Variants in THADA observed in about 807,000 individuals in gnomAD.
The protein encoded by THADA is tRNA (32-2'-O)-methyltransferase regulator THADA.
A neutral mutation model predicts 219.8 loss-of-function variants in THADA; 213 were observed. The observed-to-expected ratio is 0.97, with a 90% CI of 0.87 to 1.09. The LOEUF is 1.09. Ranked by LOEUF, THADA falls within the 50% of genes least tolerant of loss-of-function variation. The probability of loss-of-function intolerance (pLI) is 0.00; values close to 1 mark genes in which losing one functional copy is unlikely to be tolerated. For synonymous variants in THADA, 1,018 were observed against 828.9 expected, an observed-to-expected ratio of 1.23 and a Z score of -3.92; for missense variants, 2,956 against 2,311.3, an observed-to-expected ratio of 1.28 and a Z score of -5.72.
At chr2:43,510,447 T>C (rs891692308) in intron 22 of THADA, among the ~76,000 whole-genome samples, 6 of 152,170 alleles carry the variant, frequency 3.9e-5, no homozygotes, top group African/African-American at 1.2e-4. Flanking sequence ...TTTTTAAGGA[T>C]TGAGGTTACT....
chr2:43,560,324 T>C lies in THADA; in HGVS notation c.2373A>G (p.Leu791=), dbSNP rs762658745. The part of the protein sequence containing the change: ...HDIDVGRFQT[L]MECFTSTFED... ...CAAAAGTGCTGGTAAAACATTCCAT[T>C]AGTGTTTGGAAACGACCAACATCAA... The change falls in exon 16 of 38, where the codon CTA becomes CTG. Residue 791 remains leucine (L), a synonymous_variant. Coordinates refer to ENST00000405975, the MANE Select transcript of THADA (RefSeq NM_022065.5). 1.2e-6 allele frequency: 2 copies of C among 1,612,420 alleles called. No homozygotes were observed. The highest frequency in any genetic ancestry group is 2.2e-5 in the East Asian group (1 of 44,794).
chr2:43,351,774 T>C (rs1379779990), intron 29 of THADA, among the ~76,000 whole-genome samples: 2 of 152,212 alleles, frequency 1.3e-5, no homozygotes, highest in Non-Finnish European at 2.9e-5. Context: ...CTGTAAACTC[T>C]GGTCACACCA....
chr2:43,419,037 G>A (rs549495304), intron 28 of THADA, among the ~76,000 whole-genome samples: 1 of 152,274 alleles, frequency 6.6e-6, no homozygotes. Context: ...CCTAGAGCCT[G>A]GCTATAAAAC....
In THADA at chr2:43,560,382, C is replaced by G. The variant is rs761694190; in HGVS notation, c.2315G>C (p.Arg772Thr). The change falls in exon 16 of 38, where the codon AGA becomes ACA. Residue 772 changes from arginine to threonine, a missense_variant. By Grantham distance (71) the Arg-to-Thr change is moderately conservative. Coordinates refer to ENST00000405975, the MANE Select transcript of THADA (RefSeq NM_022065.5). ...IAEVFHVPEG[R>T]IYTVYQLSHD... ...ACTCAGCTGATATACTGTATAAATT[C>G]TGCCTAAAAATATTTTAAAAACAAA... is the stretch of plus-strand genomic sequence containing the variant. 7.1e-6 allele frequency: 11 copies of G among 1,538,622 alleles called. No homozygotes were observed. Among genetic ancestry groups the G allele is most frequent in the East Asian group, 2.3e-5 (1 of 43,056 alleles).
intron 28 of THADA, among the ~76,000 whole-genome samples, chr2:43,401,906 T>A (rs1482614016): frequency 6.6e-6 from 1 of 151,530 alleles, no homozygotes; most frequent in African/African-American, 2.4e-5. Context: ...TTTACACATA[T>A]TTGGAAAATT....
chr2:43,504,685 C>T (rs1689433331), intron 24 of THADA, among the ~76,000 whole-genome samples: 2 of 152,128 alleles, frequency 1.3e-5, no homozygotes, highest in Non-Finnish European at 2.9e-5. Context: ...TCGAGACCAA[C>T]CTGGCCAACA....
At chr2:43,412,149 G>T (rs964764264) in intron 28 of THADA, among the ~76,000 whole-genome samples, 1 of 152,112 alleles carries the variant, frequency 6.6e-6, no homozygotes, top group Admixed American at 6.6e-5. Flanking sequence ...AATATAAAAA[G>T]AAGAAAATTA....
intron 28 of THADA, among the ~76,000 whole-genome samples, chr2:43,422,556 G>T (rs1018267560): frequency 2.8e-4 from 42 of 152,304 alleles, no homozygotes; most frequent in African/African-American, 9.4e-4. Context: ...GGTTCACCAG[G>T]ATATCTCATT....
intron 26 of THADA, among the ~76,000 whole-genome samples, chr2:43,471,862 T>C (rs1684945021): frequency 6.6e-6 from 1 of 152,204 alleles, no homozygotes; most frequent in Non-Finnish European, 1.5e-5. Flanking sequence ...GCACACTGTA[T>C]GCTCCCTAAG....
intron 15 of THADA, chr2:43,563,817 T>C (rs1698358929): frequency 6.6e-6 from 1 of 152,182 alleles, no homozygotes; most frequent in African/African-American, 2.4e-5. Flanking sequence ...AGGATGAATT[T>C]ACATCTCCCA....
chr2:43,508,893 G>A (rs1690035443), intron 22 of THADA, 113 bp from the exon 23 acceptor site: 3 of 1,015,172 alleles, frequency 3.0e-6, no homozygotes, highest in South Asian at 1.8e-5. Flanking sequence ...TATTGAGTGG[G>A]GGTGAAACTA....
intron 36 of THADA, among the ~76,000 whole-genome samples, chr2:43,266,852 G>A (rs370965171): frequency 6.6e-6 from 1 of 152,294 alleles, no homozygotes; most frequent in African/African-American, 2.4e-5. Flanking sequence ...CCACGCATAA[G>A]CACAGTGGTG....
intron 36 of THADA, among the ~76,000 whole-genome samples, chr2:43,268,190 T>G (rs1325691386): frequency 6.6e-6 from 1 of 152,188 alleles, no homozygotes; most frequent in East Asian, 1.9e-4. Context: ...TCCTGGCCAT[T>G]TTGACATTCA....
chr2:43,360,886 A>G (rs545751751), intron 29 of THADA, among the ~76,000 whole-genome samples: 2 of 152,340 alleles, frequency 1.3e-5, no homozygotes, highest in South Asian at 4.1e-4. Flanking sequence ...CTAGACTCAT[A>G]CTAATACTAG....
intron 25 of THADA, among the ~76,000 whole-genome samples, chr2:43,491,387 A>G (rs1687619395): frequency 6.6e-6 from 1 of 152,210 alleles, no homozygotes; most frequent in Non-Finnish European, 1.5e-5. Context: ...TGCCATTAAT[A>G]AGTAAAAAGG....
intron 30 of THADA, among the ~76,000 whole-genome samples, chr2:43,332,714 GACA>G (rs1364785540): frequency 6.6e-6 from 1 of 152,198 alleles, no homozygotes; most frequent in African/African-American, 2.4e-5. Context: ...GCTGAGCAAT[GACA>G]ACATTGTCCA....
chr2:43,333,803 CTCTT>C (rs1213420666), intron 30 of THADA, among the ~76,000 whole-genome samples: 3 of 152,200 alleles, frequency 2.0e-5, no homozygotes, highest in Non-Finnish European at 4.4e-5. Context: ...AGGCTGTGGC[CTCTT>C]TCTATTTCAA....
chr2:43,423,627 T>C (rs1678022010), intron 28 of THADA, among the ~76,000 whole-genome samples: 1 of 152,012 alleles, frequency 6.6e-6, no homozygotes. Context: ...AGAGACGAGG[T>C]TTCACCGTGT....
chr2:43,499,393 T>C (rs1446997534), intron 24 of THADA, among the ~76,000 whole-genome samples: 2 of 152,168 alleles, frequency 1.3e-5, no homozygotes, highest in African/African-American at 4.8e-5. Context: ...TTTTATTTTA[T>C]TAGATGGAGT....
Sources: allele counts gnomAD v4.1 joint callset (sites outside exome capture counted in the v4.1 genomes callset), GRCh38; gene constraint gnomAD v4.1.1; transcripts MANE v1.5; gene names NCBI Gene and HGNC (gene_info 2026-07-23, HGNC 2026-07-21).